The following STK10 variants were observed in gnomAD, a reference collection of about 807,000 sequenced individuals.
STK10 encodes the protein serine/threonine-protein kinase 10.
In STK10, 78 loss-of-function variants were observed where a neutral mutation model predicts 113.8. That is an observed-to-expected ratio of 0.69 (90% CI 0.57 to 0.83). The LOEUF (loss-of-function observed/expected upper bound fraction) is 0.83, where lower values mean the gene tolerates loss of function less well. STK10 is among the 40% of genes least tolerant of loss of function. STK10 has a pLI of 0.00. For missense variants in STK10, 1,109 were observed against 1,280.1 expected, an observed-to-expected ratio of 0.87 and a Z score of 2.04; for synonymous variants, 465 against 494.7, an observed-to-expected ratio of 0.94 and a Z score of 0.80.
At chr5:172,055,460 G>T in intron 16 of STK10, 128 bp downstream of exon 16, 1 of 1,017,166 alleles carries the variant, frequency 9.8e-7, no homozygotes, top group Non-Finnish European at 1.3e-6. Flanking sequence ...AAAGTGTTGG[G>T]ATTACAGACG....
In STK10 at chr5:172,106,419, G is replaced by GAAAAAAAAAAAAAAAAAAAA. The variant is rs1769110876; in HGVS notation, c.788+200_788+201insTTTTTTTTTTTTTTTTTTTT. On this transcript the variant is annotated intron_variant, in intron 6 of 18. Transcript: ENST00000176763. ...CCTATCTCAAAAAAAAAAAAAAAAA[G>GAAAAAAAAAAAAAAAAAAAA]GAACACAAAGGGAAAAAGAGGCACG... Among the ~76,000 whole-genome samples the GAAAAAAAAAAAAAAAAAAAA allele has an allele frequency of 2.0e-5, 2 of 102,106 alleles. 1 individual carries two copies. The highest frequency in any genetic ancestry group is 3.9e-5 in the Non-Finnish European group (2 of 51,852). 67.0% of individuals were successfully genotyped at this position (102,106 alleles called of 152,430 possible). A position where few individuals can be genotyped will look rare whatever the true frequency, so the allele number is the denominator to read the frequency against.
chr5:172,113,319 G>C (rs1769283175), intron 4 of STK10, among the ~76,000 whole-genome samples: 1 of 152,074 alleles, frequency 6.6e-6, no homozygotes, highest in Admixed American at 6.6e-5. Flanking sequence ...CTGCTTCTGA[G>C]AATTCCTCTT....
chr5:172,178,504 G>A (rs1461668319), intron 1 of STK10, among the ~76,000 whole-genome samples: 1 of 152,182 alleles, frequency 6.6e-6, no homozygotes, highest in Non-Finnish European at 1.5e-5. Context: ...AAGCAGCAGG[G>A]GAGGCCGCCT....
chr5:172,047,405 C>T (rs1054937155), intron 18 of STK10, among the ~76,000 whole-genome samples: 1 of 152,194 alleles, frequency 6.6e-6, no homozygotes, highest in African/African-American at 2.4e-5. Context: ...GGGTATAGAA[C>T]CCCCAGGTAA....
At chr5:172,058,520 T>TCA (rs1767854755) in intron 14 of STK10, among the ~76,000 whole-genome samples, 1 of 152,214 alleles carries the variant, frequency 6.6e-6, no homozygotes. Flanking sequence ...GTTTACTTCC[T>TCA]CACAGCAGGC....
chr5:172,173,020 G>A (rs1324101167), intron 1 of STK10, among the ~76,000 whole-genome samples: 2 of 152,014 alleles, frequency 1.3e-5, no homozygotes, highest in African/African-American at 4.8e-5. Context: ...GGAGACCCGC[G>A]TGGGGTGGGC....
At chr5:172,125,947 T>A (rs1048795369) in intron 3 of STK10, among the ~76,000 whole-genome samples, 1 of 152,234 alleles carries the variant, frequency 6.6e-6, no homozygotes, top group Non-Finnish European at 1.5e-5. Context: ...TTTGCTCTTT[T>A]TGGATTTCAA....
At position 172,082,393 on chromosome 5, in the gene STK10, C is replaced by T. The variant is rs778072516; in HGVS notation, c.1922G>A (p.Arg641Gln). ...HAVRRREEAR[R>Q]IRLEQDRDYT... ...GTCCCGATCCTGCTCCAGGCGGATC[C>T]GCCTGGCCTCCTCCCGGCGGCGCAC... The change falls in exon 12 of 19, where the codon CGG (arginine) becomes CAG (glutamine). Residue 641 changes from arginine (R) to glutamine (Q), a missense_variant. Around this residue, in one of 5 missense-constraint regions of STK10, gnomAD observed 885 missense variants for 991.1 expected, o/e 0.89. Coordinates refer to ENST00000176763, the MANE Select transcript of STK10 (RefSeq NM_005990.4). This position sits in a 1 kb window ranked among gnomAD's most constrained non-coding sequence, Gnocchi z 4.3. The T allele has an allele frequency of 2.1e-5, 34 of 1,608,804 alleles. 1 individual carries two copies. The highest frequency in any genetic ancestry group is 1.7e-4 in the Middle Eastern group (1 of 6,058).
intron 9 of STK10, among the ~76,000 whole-genome samples, chr5:172,090,582 C>A (rs1024644195): frequency 6.6e-6 from 1 of 152,122 alleles, no homozygotes; most frequent in Non-Finnish European, 1.5e-5. Flanking sequence ...AGAAACTGTG[C>A]TGAGGCCTCC....
chr5:172,110,651 C>G (rs377083509), intron 4 of STK10, among the ~76,000 whole-genome samples: 1 of 151,720 alleles, frequency 6.6e-6, no homozygotes, highest in Non-Finnish European at 1.5e-5. Flanking sequence ...ACAGCCTGGC[C>G]GGAAGGAGGG....
At chr5:172,085,855 G>A (rs1299700145) in intron 10 of STK10, among the ~76,000 whole-genome samples, 59 of 152,238 alleles carry the variant, frequency 3.9e-4, no homozygotes, top group Admixed American at 3.5e-3. Context: ...AGTCCAGTGC[G>A]GCACCATGCT....
chr5:172,127,393 G>T lies in STK10; in HGVS notation c.350C>A (p.Ala117Asp). The change falls in exon 3 of 19, where the codon GCC becomes GAC. Residue 117 changes from alanine to aspartate, a missense_variant. By Grantham distance (126) the Ala-to-Asp change is moderately radical. Transcript: ENST00000176763. Reference sequence around the variant, plus strand: ...CTCACCCAGCATGATGGCGTCCACGGCTCCCCCTGGACAGAACTCAATCAT... The same window carrying T: ...CTCACCCAGCATGATGGCGTCCACGTCTCCCCCTGGACAGAACTCAATCAT... Reference protein sequence around the residue: ...WIMIEFCPGGAVDAIMLELDR... With the variant: ...WIMIEFCPGGDVDAIMLELDR... 1 of 1,613,810 alleles carries T rather than the reference G, an allele frequency of 6.2e-7. No individual in the cohort carries two copies. Among genetic ancestry groups the T allele is most frequent in the African/African-American group, 1.3e-5 (1 of 75,032 alleles).
intron 3 of STK10, among the ~76,000 whole-genome samples, chr5:172,123,161 G>A (rs17671267): frequency 6.6e-6 from 1 of 152,112 alleles, no homozygotes; most frequent in Non-Finnish European, 1.5e-5. Flanking sequence ...CCAGCCATGC[G>A]GGGCAAAGTG....
intron 7 of STK10, among the ~76,000 whole-genome samples, chr5:172,097,953 T>C (rs76603684): frequency 1.7e-3 from 263 of 152,288 alleles, no homozygotes; most frequent in African/African-American, 6.2e-3. Context: ...GCCAGGGATG[T>C]GGGATTCCTC....
Position 172,082,937 on chromosome 5 carries a change from G to A in STK10, c.1809+24C>T. On this transcript the variant is annotated intron_variant, in intron 11 of 18. Coordinates refer to ENST00000176763, the MANE Select transcript of STK10 (RefSeq NM_005990.4). The surrounding 1 kb of genome is among the most constrained non-coding windows in gnomAD (Gnocchi z 4.3). The stretch of plus-strand genomic sequence containing the variant: ...CACCTGGAGGCAAGAAGCCCTGCAG[G>A]GTCCCATCTTTTCTCGCACTCACGT... 5 of 1,611,038 alleles carry A rather than the reference G, an allele frequency of 3.1e-6. No individual in the cohort carries two copies. Among genetic ancestry groups the A allele is most frequent in the Non-Finnish European group, 3.4e-6 (4 of 1,179,140 alleles).
At chr5:172,143,320 G>A (rs926733907) in intron 2 of STK10, among the ~76,000 whole-genome samples, 4 of 152,162 alleles carry the variant, frequency 2.6e-5, no homozygotes, top group East Asian at 3.9e-4. Flanking sequence ...AGCCGAGATC[G>A]TGCCACTGCA....
At chr5:172,111,392 GCA>G (rs937931002) in intron 4 of STK10, among the ~76,000 whole-genome samples, 27 of 152,218 alleles carry the variant, frequency 1.8e-4, no homozygotes, top group African/African-American at 5.8e-4. Flanking sequence ...CCACCAACGT[GCA>G]ATGACACACC....
intron 17 of STK10, among the ~76,000 whole-genome samples, 181 bp downstream of exon 17, chr5:172,054,388 G>A (rs1473655376): frequency 6.6e-6 from 1 of 152,174 alleles, no homozygotes; most frequent in East Asian, 1.9e-4. Context: ...TTAGGAGGGT[G>A]ATATGATTTG....
At chr5:172,050,665 A>T (rs1416474383) in intron 18 of STK10, among the ~76,000 whole-genome samples, 3 of 152,178 alleles carry the variant, frequency 2.0e-5, no homozygotes, top group African/African-American at 7.2e-5. Context: ...CAAAAATGAG[A>T]ACTTTGGAAA....
Sources: gnomAD v4.1 joint callset for allele counts (sites outside exome capture counted in the v4.1 genomes callset) on GRCh38, gnomAD v4.1.1 for gene constraint, gnomAD v4.1.1 regional missense constraint, Gnocchi (gnomAD v3.1) non-coding constraint, MANE v1.5 for transcripts, NCBI Gene and HGNC (gene_info 2026-07-23, HGNC 2026-07-21) for gene names.